Variants in ANXA8 observed in about 807,000 individuals in gnomAD.
The protein encoded by ANXA8 is VAC-beta.
A neutral mutation model predicts 26.8 loss-of-function variants in ANXA8; 9 were observed. The ratio of observed to expected loss-of-function variants is 0.34; its 90% CI spans 0.20 to 0.59. The LOEUF (loss-of-function observed/expected upper bound fraction) is 0.59, where lower values mean the gene tolerates loss of function less well. Ranked by LOEUF, ANXA8 falls within the 20% of genes least tolerant of loss-of-function variation. The probability of loss-of-function intolerance (pLI) is 0.84; values close to 1 mark genes in which losing one functional copy is unlikely to be tolerated. For missense variants in ANXA8, 83 were observed against 238.5 expected, an observed-to-expected ratio of 0.35 and a Z score of 4.29; for synonymous variants, 39 against 94.8, an observed-to-expected ratio of 0.41 and a Z score of 3.42.
At chr10:47,711,297 A>T in the ANXA8 span, among the ~76,000 whole-genome samples, 1 of 150,066 alleles carries the variant, frequency 6.7e-6, no homozygotes, top group Non-Finnish European at 1.5e-5. Flanking sequence ...TTGATGTTTC[A>T]TTAAAATAGT....
the ANXA8 span, among the ~76,000 whole-genome samples, chr10:47,974,265 G>C: frequency 0.85 from 125,362 of 146,786 alleles, 55,243 homozygotes; most frequent in African/African-American, 0.94. Flanking sequence ...TGTCATTTCT[G>C]ACAGTACTTA....
chr10:47,624,224 C>G, the ANXA8 span, among the ~76,000 whole-genome samples: 1 of 66,430 alleles, frequency 1.5e-5, no homozygotes. Context: ...GCCTGGGAGA[C>G]AGAGTGAGAC....
At chr10:47,953,901 T>A in the ANXA8 span, among the ~76,000 whole-genome samples, 2 of 149,962 alleles carry the variant, frequency 1.3e-5, no homozygotes, top group Non-Finnish European at 3.0e-5. Context: ...CAAATGTTGG[T>A]GAGGATGTGG....
the ANXA8 span, among the ~76,000 whole-genome samples, chr10:47,682,562 C>T: frequency 4.6e-5 from 7 of 151,114 alleles, no homozygotes; most frequent in Non-Finnish European, 5.9e-5. Context: ...CTCCACCTCC[C>T]GGGTTCAAGC....
the ANXA8 span, chr10:47,565,186 C>T: frequency 1.5e-6 from 1 of 684,778 alleles, no homozygotes; most frequent in Non-Finnish European, 2.6e-6. Context: ...TGCAGGGCGA[C>T]GCGGGCACCC....
At chr10:47,658,091 C>T in the ANXA8 span, among the ~76,000 whole-genome samples, 4 of 151,832 alleles carry the variant, frequency 2.6e-5, no homozygotes, top group Non-Finnish European at 4.4e-5. Context: ...TGTATAGGGC[C>T]GGGTGCCGGT....
At chr10:47,551,572 C>T in the ANXA8 span, among the ~76,000 whole-genome samples, 1 of 151,982 alleles carries the variant, frequency 6.6e-6, no homozygotes, top group African/African-American at 2.4e-5. Context: ...ATGCTGGAGG[C>T]AAGGCAGCTT....
At chr10:47,497,895 C>T in the ANXA8 span, among the ~76,000 whole-genome samples, 32 of 149,414 alleles carry the variant, frequency 2.1e-4, no homozygotes, top group African/African-American at 6.3e-4. Flanking sequence ...GCCGAGACGG[C>T]GCCATTGCAC....
the ANXA8 span, among the ~76,000 whole-genome samples, chr10:47,746,662 G>C: frequency 4.4e-5 from 6 of 135,546 alleles, no homozygotes; most frequent in Non-Finnish European, 9.5e-5. Context: ...TGGGCAACAA[G>C]AGTGAAACCC....
chr10:47,679,511 A>C, the ANXA8 span, among the ~76,000 whole-genome samples: 1 of 152,034 alleles, frequency 6.6e-6, no homozygotes, highest in East Asian at 1.9e-4. Context: ...CTTACTTGGG[A>C]GGCTGAGGTG....
the ANXA8 span, among the ~76,000 whole-genome samples, chr10:47,733,233 CTCTTTCTTTCTTTCTTTCTTTCTT>C: frequency 4.5e-3 from 269 of 59,698 alleles, 3 homozygotes; most frequent in African/African-American, 8.7e-3. Context: ...CTTTCTTTCT[CTCTTTCTTTCTTTCTTTCTTTCTT>C]TCTTTCTTTC....
the ANXA8 span, among the ~76,000 whole-genome samples, chr10:47,733,197 CTT>C: frequency 5.6e-4 from 62 of 109,792 alleles, 1 homozygote; most frequent in African/African-American, 1.6e-3. Flanking sequence ...TTCTTTCTTT[CTT>C]TCTTTCTTTC....
the ANXA8 span, among the ~76,000 whole-genome samples, chr10:47,687,899 C>A: frequency 6.6e-6 from 1 of 151,610 alleles, no homozygotes; most frequent in Non-Finnish European, 1.5e-5. Flanking sequence ...CAGGAGTTTG[C>A]GACCAGCCTG....
the ANXA8 span, among the ~76,000 whole-genome samples, chr10:47,737,537 G>A: frequency 6.6e-6 from 1 of 151,838 alleles, no homozygotes; most frequent in Non-Finnish European, 1.5e-5. Flanking sequence ...TTATTGCTGA[G>A]CCAGAACCAT....
the ANXA8 span, among the ~76,000 whole-genome samples, chr10:47,627,636 A>T: frequency 6.7e-6 from 1 of 150,204 alleles, no homozygotes; most frequent in South Asian, 2.1e-4. Context: ...TTCAAAATCT[A>T]TTCCTAGTAC....
the ANXA8 span, among the ~76,000 whole-genome samples, chr10:47,594,069 C>T: frequency 6.8e-6 from 1 of 147,882 alleles, no homozygotes; most frequent in Admixed American, 6.6e-5. Context: ...CCTTCAGCCA[C>T]AGACTGAAGG....
At chr10:47,716,208 AG>A in the ANXA8 span, among the ~76,000 whole-genome samples, 1 of 114,684 alleles carries the variant, frequency 8.7e-6, no homozygotes, top group South Asian at 2.7e-4. Context: ...CACCACACCC[AG>A]CCCACTGCTA....
the ANXA8 span, among the ~76,000 whole-genome samples, chr10:47,898,808 T>G: frequency 1.0e-5 from 1 of 98,566 alleles, no homozygotes; most frequent in African/African-American, 4.6e-5. Context: ...AGAAAGAGAA[T>G]GGATTTTTTT....
At chr10:47,689,785 G>T in the ANXA8 span, 1 of 1,570,608 alleles carries the variant, frequency 6.4e-7, no homozygotes. Flanking sequence ...AGAAGACACA[G>T]CTTCTTTAAT....
Sources: allele counts gnomAD v4.1 joint callset (sites outside exome capture counted in the v4.1 genomes callset), GRCh38; gene constraint gnomAD v4.1.1; transcripts MANE v1.5; gene names NCBI Gene and HGNC (gene_info 2026-07-23, HGNC 2026-07-21).